MLPH: variants seen among roughly 807,000 people sequenced by gnomAD.
The protein encoded by MLPH is melanophilin, also known as exophilin-3.
In MLPH, 51 loss-of-function variants were observed where a neutral mutation model predicts 72.1. That is an observed-to-expected ratio of 0.71 (90% CI 0.56 to 0.89). The LOEUF (loss-of-function observed/expected upper bound fraction) is 0.89, where lower values mean the gene tolerates loss of function less well. MLPH is among the 40% of genes least tolerant of loss of function. The pLI is 0.00. For missense variants in MLPH, 743 were observed against 759.9 expected, an observed-to-expected ratio of 0.98 and a Z score of 0.26; for synonymous variants, 301 against 310.1, an observed-to-expected ratio of 0.97 and a Z score of 0.31.
At chr2:237,491,989 C>T (rs950114021) in intron 1 of MLPH, among the ~76,000 whole-genome samples, 11 of 152,178 alleles carry the variant, frequency 7.2e-5, no homozygotes, top group Admixed American at 7.2e-4. Flanking sequence ...AGGACAACAG[C>T]ATGGGCCAAC....
intron 12 of MLPH, among the ~76,000 whole-genome samples, chr2:237,545,053 GGTGGAGGGGGCACTA>G (rs2080872722): frequency 7.6e-3 from 1 of 132 alleles, no homozygotes; most frequent in Non-Finnish European, 0.011. Context: ...GGGGACAGTG[GGTGGAGGGGGCACTA>G]TTGGTAGGGG....
chr2:237,549,048 A>G (rs541401426), intron 13 of MLPH, among the ~76,000 whole-genome samples, 173 bp from the exon 14 acceptor site: 64 of 152,348 alleles, frequency 4.2e-4, no homozygotes, highest in African/African-American at 1.5e-3. Flanking sequence ...TTCATGCTTA[A>G]TTTATTGAAA....
In MLPH at chr2:237,525,648, T is replaced by C. The variant is rs1295229725; in HGVS notation, c.723T>C (p.Ala241=). ...CAGAGAAGGCAGCCCCTCACAAGGC[T>C]GAGGGCCTGGAGGAGGCTGATACTG... ...SCSEKAAPHK[A]EGLEEADTGA... The change falls in exon 7 of 16, where the codon GCT becomes GCC. Residue 241 remains alanine (A), a synonymous_variant. Coordinates refer to ENST00000264605, the MANE Select transcript of MLPH (RefSeq NM_024101.7). 1.2e-6 allele frequency: 2 copies of C among 1,614,136 alleles called. No homozygotes were observed. The highest frequency in any genetic ancestry group is 8.5e-7 in the Non-Finnish European group (1 of 1,180,010).
intron 12 of MLPH, chr2:237,545,808 AACAACT>A: frequency 7.1e-6 from 2 of 281,948 alleles, no homozygotes; most frequent in Non-Finnish European, 1.2e-5. Flanking sequence ...ATTTCAGATC[AACAACT>A]AATAATCTAG....
In MLPH at chr2:237,505,560, C is replaced by T. The variant is rs949673563; in HGVS notation, c.111-5014C>T. The stretch of plus-strand genomic sequence containing the variant: ...TGCCTTCAGGGGTGGCCACCAGCCC[C>T]GCCATCCTGGGCTCTCCCCAGTATT... On this transcript the variant is annotated intron_variant, in intron 2 of 15. Coordinates refer to ENST00000264605, the MANE Select transcript of MLPH (RefSeq NM_024101.7). This position sits in a 1 kb window ranked among gnomAD's most constrained non-coding sequence, Gnocchi z 4.5. Among the ~76,000 whole-genome samples the T allele has an allele frequency of 6.6e-6, 1 of 152,174 alleles. No homozygotes were observed. The highest frequency in any genetic ancestry group is 1.5e-5 in the Non-Finnish European group (1 of 68,028).
intron 9 of MLPH, 135 bp from the exon 10 acceptor site, chr2:237,540,213 A>G: frequency 2.1e-6 from 2 of 961,966 alleles, no homozygotes; most frequent in Non-Finnish European, 3.1e-6. Flanking sequence ...ACAAGCTGGC[A>G]TGGAGAAGGG....
intron 9 of MLPH, among the ~76,000 whole-genome samples, chr2:237,539,903 T>C (rs2080629412): frequency 6.6e-6 from 1 of 152,118 alleles, no homozygotes; most frequent in Admixed American, 6.5e-5. Context: ...AAATGAATCG[T>C]TGGCCAGAGC....
At chr2:237,539,149 C>G (rs975974330) in intron 9 of MLPH, among the ~76,000 whole-genome samples, 1 of 150,694 alleles carries the variant, frequency 6.6e-6, no homozygotes, top group East Asian at 1.9e-4. Context: ...TATGGGGGGG[C>G]GGGGAGGCTT....
intron 8 of MLPH, among the ~76,000 whole-genome samples, chr2:237,532,045 T>C (rs1207151873): frequency 6.6e-6 from 1 of 152,190 alleles, no homozygotes; most frequent in African/African-American, 2.4e-5. Flanking sequence ...CCATGCATCT[T>C]TATATGGAGG....
chr2:237,540,645 C>A, intron 10 of MLPH, 112 bp downstream of exon 10: 1 of 1,497,024 alleles, frequency 6.7e-7, no homozygotes, highest in Middle Eastern at 2.2e-4. Context: ...CAGGAGCACA[C>A]CAAGGGCCCT....
At chr2:237,493,987 T>C (rs1457428767) in intron 2 of MLPH, among the ~76,000 whole-genome samples, 1 of 152,192 alleles carries the variant, frequency 6.6e-6, no homozygotes, top group Non-Finnish European at 1.5e-5. Context: ...CACGGTTTTG[T>C]TCCACTCTGC....
At chr2:237,542,433 C>A in intron 11 of MLPH, 134 bp from the exon 12 acceptor site, 1 of 747,790 alleles carries the variant, frequency 1.3e-6, no homozygotes, top group Non-Finnish European at 2.4e-6. Flanking sequence ...GGCTGTGATG[C>A]CAATCTTAAG....
At chr2:237,516,949 ATAGG>A in intron 4 of MLPH, among the ~76,000 whole-genome samples, 5 of 143,878 alleles carry the variant, frequency 3.5e-5, no homozygotes, top group African/African-American at 1.3e-4. Flanking sequence ...GGATAGGTGG[ATAGG>A]TGGATAGATA....
intron 2 of MLPH, among the ~76,000 whole-genome samples, chr2:237,502,686 T>C (rs2079677076): frequency 6.6e-6 from 1 of 152,136 alleles, no homozygotes; most frequent in African/African-American, 2.4e-5. Flanking sequence ...AATCAAATAT[T>C]AGGACTGCCA....
At chr2:237,507,798 A>G (rs982923052) in intron 2 of MLPH, among the ~76,000 whole-genome samples, 8 of 152,206 alleles carry the variant, frequency 5.3e-5, no homozygotes, top group African/African-American at 1.9e-4. Context: ...TGAGAGTCGC[A>G]CTTTGTTCAT....
In MLPH at chr2:237,516,953, G is replaced by A. The variant is rs1487664652; in HGVS notation, c.446-1586G>A. Reference sequence around the variant, plus strand: ...GATGGATGGATGGATAGGTGGATAGGTGGATAGATAGGTGGATGGATGGGC... The same window carrying A: ...GATGGATGGATGGATAGGTGGATAGATGGATAGATAGGTGGATGGATGGGC... On this transcript the variant is annotated intron_variant, in intron 4 of 15. Coordinates refer to ENST00000264605, the MANE Select transcript of MLPH (RefSeq NM_024101.7). Among the ~76,000 whole-genome samples, 223 of 110,644 alleles carry A rather than the reference G, an allele frequency of 2.0e-3. No individual in the cohort carries two copies. In the Middle Eastern group the frequency reaches 0.03, roughly 15 times the overall value. The allele number at this position is 110,644 out of a possible 152,430, so 72.6% of individuals were successfully genotyped here. A position where few individuals can be genotyped will look rare whatever the true frequency, so the allele number is the denominator to read the frequency against.
In MLPH at chr2:237,491,512, G is replaced by T. The variant is rs149291531; in HGVS notation, c.-24-1891G>T. ...AAGCACAGAAAAGCACCTGCCATGT[G>T]CTGGGAACGGACAGAGGTGCTATTC... On this transcript the variant is annotated intron_variant, in intron 1 of 15. Coordinates refer to ENST00000264605, the MANE Select transcript of MLPH (RefSeq NM_024101.7). Among the ~76,000 whole-genome samples, 897 of 152,346 alleles carry T rather than the reference G, an allele frequency of 5.9e-3. 12 individuals carry two copies. Among genetic ancestry groups the T allele is most frequent in the African/African-American group, 0.02 (835 of 41,574 alleles).
At chr2:237,523,427 G>A (rs1295394008) in intron 6 of MLPH, among the ~76,000 whole-genome samples, 3 of 152,088 alleles carry the variant, frequency 2.0e-5, no homozygotes, top group East Asian at 3.9e-4. Context: ...CAAGACCAAC[G>A]GTAACTCTAA....
chr2:237,510,483 C>CTG lies in MLPH; in HGVS notation c.111-79_111-78dup, dbSNP rs145624755. On this transcript the variant is annotated intron_variant, in intron 2 of 15. Transcript: ENST00000264605. This position sits in a 1 kb window ranked among gnomAD's most constrained non-coding sequence, Gnocchi z 4.4. ...ACTGTGTGTGTGTATGTGTCTGTGT[C>CTG]TGTGTGTGTGTGTATGTACGTGTAC... 45 of 1,120,346 alleles carry CTG rather than the reference C, an allele frequency of 4.0e-5. No individual in the cohort carries two copies. The highest frequency in any genetic ancestry group is 2.0e-4 in the Middle Eastern group (1 of 4,972). The allele number at this position is 1,120,346 out of a possible 1,614,324, so 69.4% of individuals were successfully genotyped here. A position where few individuals can be genotyped will look rare whatever the true frequency, so the allele number is the denominator to read the frequency against.
Sources: gnomAD v4.1 joint callset for allele counts (sites outside exome capture counted in the v4.1 genomes callset) on GRCh38, gnomAD v4.1.1 for gene constraint, Gnocchi (gnomAD v3.1) non-coding constraint, MANE v1.5 for transcripts, NCBI Gene and HGNC (gene_info 2026-07-23, HGNC 2026-07-21) for gene names.